The following TBCA variants were observed in gnomAD, a reference collection of about 807,000 sequenced individuals.
TBCA encodes tubulin-specific chaperone A.
A neutral mutation model predicts 15.8 loss-of-function variants in TBCA; 6 were observed. The ratio of observed to expected loss-of-function variants is 0.38; its 90% CI spans 0.21 to 0.75. The LOEUF is 0.75. TBCA is among the 30% of genes least tolerant of loss of function. The pLI is 0.46. For synonymous variants in TBCA, 32 were observed against 42.3 expected, an observed-to-expected ratio of 0.76 and a Z score of 0.94; for missense variants, 90 against 131.2, an observed-to-expected ratio of 0.69 and a Z score of 1.53.
At chr5:77,703,100 A>T (rs1746061169) in intron 2 of TBCA, among the ~76,000 whole-genome samples, 1 of 152,242 alleles carries the variant, frequency 6.6e-6, no homozygotes, top group African/African-American at 2.4e-5. Context: ...AAGAGTAAAA[A>T]AAAGCATATA....
chr5:77,728,760 C>T (rs1483271207), intron 1 of TBCA, among the ~76,000 whole-genome samples: 2 of 152,060 alleles, frequency 1.3e-5, no homozygotes, highest in Admixed American at 6.5e-5. Flanking sequence ...CTAAAGACTA[C>T]GTCAGGTTGG....
intron 1 of TBCA, among the ~76,000 whole-genome samples, chr5:77,721,704 G>C (rs2112456582): frequency 6.6e-6 from 1 of 152,136 alleles, no homozygotes; most frequent in East Asian, 1.9e-4. Flanking sequence ...ACTTGGCATA[G>C]AGCTGTACTT....
At chr5:77,771,444 C>A (rs936426268) in intron 1 of TBCA, among the ~76,000 whole-genome samples, 4 of 152,174 alleles carry the variant, frequency 2.6e-5, no homozygotes, top group African/African-American at 9.7e-5. Context: ...ACCTCTCTCT[C>A]TTGAAACTCA....
At chr5:77,736,793 T>C (rs532817755) in intron 1 of TBCA, among the ~76,000 whole-genome samples, 1 of 152,322 alleles carries the variant, frequency 6.6e-6, no homozygotes, top group African/African-American at 2.4e-5. Flanking sequence ...TCCAAATAAC[T>C]CAGACCTAAA....
chr5:77,713,636 A>C (rs1038494922), intron 1 of TBCA, among the ~76,000 whole-genome samples: 5 of 152,220 alleles, frequency 3.3e-5, no homozygotes, highest in African/African-American at 9.6e-5. Context: ...GTGGTAAGTC[A>C]AACTTTGTCA....
intron 1 of TBCA, among the ~76,000 whole-genome samples, chr5:77,738,420 A>G (rs1436008770): frequency 1.3e-5 from 2 of 152,222 alleles, no homozygotes; most frequent in Non-Finnish European, 2.9e-5. Flanking sequence ...AAATAGGAAG[A>G]CTAATATTCA....
intron 2 of TBCA, among the ~76,000 whole-genome samples, chr5:77,695,332 A>G (rs1745848588): frequency 6.6e-6 from 1 of 152,194 alleles, no homozygotes; most frequent in African/African-American, 2.4e-5. Context: ...CAATTCATTC[A>G]ATAAGTTTAC....
intron 1 of TBCA, among the ~76,000 whole-genome samples, chr5:77,722,893 C>CA (rs1053880963): frequency 5.0e-4 from 76 of 151,738 alleles, no homozygotes; most frequent in African/African-American, 1.7e-3. Flanking sequence ...GTGGCATTAA[C>CA]AATAGCAAAA....
chr5:77,770,996 C>T lies in TBCA; in HGVS notation c.53+5209G>A, dbSNP rs376297758. 1.9e-4 allele frequency among the ~76,000 whole-genome samples: 29 copies of T among 152,196 alleles called. No homozygotes were observed. The East Asian group carries it at 3.3e-3, about 17-fold the overall frequency. ...TACAAAAATTAGCCAGCCATGGTGGCGGACACCTGTAATCCCAGCTACTCA... is the reference window on the plus strand; with the variant it reads ...TACAAAAATTAGCCAGCCATGGTGGTGGACACCTGTAATCCCAGCTACTCA... On this transcript the variant is annotated intron_variant, in intron 1 of 3. Coordinates refer to ENST00000380377, the MANE Select transcript of TBCA (RefSeq NM_004607.3).
At chr5:77,729,884 C>T (rs1746725023) in intron 1 of TBCA, among the ~76,000 whole-genome samples, 1 of 152,158 alleles carries the variant, frequency 6.6e-6, no homozygotes, top group South Asian at 2.1e-4. Flanking sequence ...GACCCATTCT[C>T]TCTTTAAGAT....
chr5:77,763,071 G>A (rs556174086), intron 1 of TBCA, among the ~76,000 whole-genome samples: 3 of 152,148 alleles, frequency 2.0e-5, no homozygotes, highest in South Asian at 2.1e-4. Context: ...GTGAAACCCC[G>A]TCTCTACTAA....
At chr5:77,741,741 A>C (rs1248145682) in intron 1 of TBCA, among the ~76,000 whole-genome samples, 1 of 152,056 alleles carries the variant, frequency 6.6e-6, no homozygotes, top group Non-Finnish European at 1.5e-5. Context: ...TCCAACAATA[A>C]AGAGTAGGAA....
At chr5:77,766,462 C>CT (rs1264134776) in intron 1 of TBCA, among the ~76,000 whole-genome samples, 1 of 151,868 alleles carries the variant, frequency 6.6e-6, no homozygotes, top group Non-Finnish European at 1.5e-5. Flanking sequence ...GCGGTTGTTT[C>CT]TCTTTTTTCT....
intron 1 of TBCA, among the ~76,000 whole-genome samples, chr5:77,755,054 C>G (rs1747441316): frequency 6.6e-6 from 1 of 152,160 alleles, no homozygotes; most frequent in African/African-American, 2.4e-5. Context: ...ACAGCTTTTA[C>G]TTCAGAACTC....
intron 1 of TBCA, among the ~76,000 whole-genome samples, chr5:77,768,756 T>C (rs1747840662): frequency 6.6e-6 from 1 of 152,212 alleles, no homozygotes; most frequent in Admixed American, 6.5e-5. Context: ...CAGTTCTATT[T>C]GGACACAACA....
intron 1 of TBCA, among the ~76,000 whole-genome samples, chr5:77,738,004 T>G (rs916506819): frequency 6.6e-6 from 1 of 152,218 alleles, no homozygotes; most frequent in African/African-American, 2.4e-5. Flanking sequence ...TTCATTTACC[T>G]TACCAACAAG....
At chr5:77,775,244 T>C (rs976113649) in intron 1 of TBCA, among the ~76,000 whole-genome samples, 6 of 152,250 alleles carry the variant, frequency 3.9e-5, no homozygotes, top group African/African-American at 1.4e-4. Context: ...GACTAAGGCA[T>C]AAGTGACTAT....
chr5:77,715,051 G>A (rs1405638759), intron 1 of TBCA, among the ~76,000 whole-genome samples: 3 of 152,200 alleles, frequency 2.0e-5, no homozygotes, highest in Admixed American at 6.5e-5. Context: ...AAGGAGGACT[G>A]GTAATACAGA....
At chr5:77,759,200 C>T (rs10078702) in intron 1 of TBCA, among the ~76,000 whole-genome samples, 14,719 of 152,106 alleles carry the variant, frequency 0.097, 973 homozygotes, top group Admixed American at 0.18. Flanking sequence ...AGAGCGGGGA[C>T]GCTTCCAGGT....
Sources: allele counts gnomAD v4.1 joint callset (sites outside exome capture counted in the v4.1 genomes callset), GRCh38; gene constraint gnomAD v4.1.1; transcripts MANE v1.5; gene names NCBI Gene and HGNC (gene_info 2026-07-23, HGNC 2026-07-21).